The following ACSL3 variants were observed in gnomAD, a reference collection of about 807,000 sequenced individuals.
ACSL3 encodes fatty acid CoA ligase Acsl3.
Under a neutral mutation model 84.7 loss-of-function variants are expected in ACSL3, and 34 were observed. The ratio of observed to expected loss-of-function variants is 0.40; its 90% confidence interval spans 0.31 to 0.53. ACSL3 has a LOEUF of 0.53. Among genes scored for constraint, ACSL3 ranks in the 20% least tolerant of loss-of-function variants. ACSL3 has a pLI of 0.48. For synonymous variants in ACSL3, 315 were observed against 299.4 expected (o/e 1.05, Z -0.54); for missense variants, 680 against 873.1 (o/e 0.78, Z 2.79).
chr2:222,902,221 C>T (rs1696171345), intron 3 of ACSL3, among the ~76,000 whole-genome samples: 2 of 152,078 alleles, frequency 1.3e-5, no homozygotes, highest in South Asian at 4.2e-4. Flanking sequence ...TTCAACTTGT[C>T]AGTATTATTC....
At chr2:222,940,576 G>A (rs985567003) in intron 16 of ACSL3, among the ~76,000 whole-genome samples, 2 of 151,360 alleles carry the variant, frequency 1.3e-5, no homozygotes, top group African/African-American at 2.4e-5. Context: ...CAGTGGTCAC[G>A]TAAGATTATA....
chr2:222,907,798 A>G (rs1429160062), intron 3 of ACSL3, among the ~76,000 whole-genome samples: 1 of 151,518 alleles, frequency 6.6e-6, no homozygotes, highest in Non-Finnish European at 1.5e-5. Context: ...CCTGCCACAC[A>G]ATGGCTGTTC....
chr2:222,872,053 A>C (rs146486180), intron 1 of ACSL3, among the ~76,000 whole-genome samples: 1 of 152,300 alleles, frequency 6.6e-6, no homozygotes, highest in East Asian at 1.9e-4. Flanking sequence ...AATGCTCAAC[A>C]GGGAAAAGTT....
At chr2:222,919,009 A>G in intron 6 of ACSL3, 55 bp from the exon 7 acceptor site, 1 of 1,592,048 alleles carries the variant, frequency 6.3e-7, no homozygotes. Context: ...TAGTATTCTT[A>G]TTCGCTAAGC....
At chr2:222,939,304 C>A (rs1238283847) in intron 16 of ACSL3, among the ~76,000 whole-genome samples, 1 of 152,170 alleles carries the variant, frequency 6.6e-6, no homozygotes, top group Admixed American at 6.5e-5. Flanking sequence ...AGCCAGCCAT[C>A]TTAAGCCTTT....
chr2:222,878,180 G>A (rs2106090878), intron 1 of ACSL3, among the ~76,000 whole-genome samples: 1 of 152,262 alleles, frequency 6.6e-6, no homozygotes. Flanking sequence ...ATTAAATTGA[G>A]TTGAAAGATT....
chr2:222,872,798 G>T (rs1287163738), intron 1 of ACSL3, among the ~76,000 whole-genome samples: 1 of 151,976 alleles, frequency 6.6e-6, no homozygotes, highest in Non-Finnish European at 1.5e-5. Context: ...CGGTGTGGTG[G>T]TGGGGCAACT....
chr2:222,906,853 TCTGTCCTCC>T (rs1213221527), intron 3 of ACSL3, among the ~76,000 whole-genome samples: 2 of 152,206 alleles, frequency 1.3e-5, no homozygotes, highest in African/African-American at 4.8e-5. Context: ...GATTTTGTGT[TCTGTCCTCC>T]CTGGCCTCCC....
At chr2:222,884,542 T>G (rs1695674320) in intron 1 of ACSL3, among the ~76,000 whole-genome samples, 1 of 152,206 alleles carries the variant, frequency 6.6e-6, no homozygotes, top group South Asian at 2.1e-4. Flanking sequence ...CATTCCCTAT[T>G]ATCAGTCCAA....
At chr2:222,866,743 TG>T (rs1695152627) in intron 1 of ACSL3, among the ~76,000 whole-genome samples, 1 of 29,164 alleles carries the variant, frequency 3.4e-5, no homozygotes, top group African/African-American at 1.0e-4. Flanking sequence ...AAAACTGCCC[TG>T]CCCCCCCCGC....
At chr2:222,909,215 A>C in intron 4 of ACSL3, 65 bp downstream of exon 4, 1 of 1,497,126 alleles carries the variant, frequency 6.7e-7, no homozygotes, top group Non-Finnish European at 9.0e-7. Context: ...AATGAAGTAA[A>C]GGGCAAGCAC....
At chr2:222,878,673 C>T (rs527958785) in intron 1 of ACSL3, among the ~76,000 whole-genome samples, 1 of 152,320 alleles carries the variant, frequency 6.6e-6, no homozygotes, top group South Asian at 2.1e-4. Context: ...GTATTTCTAA[C>T]AATATAGTGA....
intron 2 of ACSL3, among the ~76,000 whole-genome samples, chr2:222,892,501 G>A (rs867513988): frequency 2.0e-5 from 3 of 152,122 alleles, no homozygotes; most frequent in Middle Eastern, 3.4e-3. Flanking sequence ...TTAATTCTGG[G>A]TAGGAAATAG....
chr2:222,901,501 G>GTTC (rs35256539), intron 3 of ACSL3, among the ~76,000 whole-genome samples: 138,562 of 152,136 alleles, frequency 0.91, 63,206 homozygotes, highest in East Asian at 0.98. Flanking sequence ...ATCCAAGTTT[G>GTTC]TTCTTTTTCA....
intron 4 of ACSL3, among the ~76,000 whole-genome samples, chr2:222,914,233 ACGTGTG>A (rs1395827234): frequency 2.1e-5 from 2 of 95,796 alleles, no homozygotes; most frequent in Admixed American, 1.1e-4. Flanking sequence ...GTGTGTGTGT[ACGTGTG>A]TGTGTGTGTG....
In ACSL3 at chr2:222,908,995, G is replaced by A; in HGVS notation, c.223G>A (p.Asp75Asn). ...TGCATACAGATCTGTTAATAGTTTGGATGGTTTGGCTTCAGTATTATACCC... is the reference window on the plus strand; with the variant it reads ...TGCATACAGATCTGTTAATAGTTTGAATGGTTTGGCTTCAGTATTATACCC... ...DSAYRSVNSL[D>N]GLASVLYPGC... Residue 75 changes from aspartate to asparagine, a missense_variant, in exon 4 of 17, where the codon GAT becomes AAT. Asp to Asn is a conservative substitution (Grantham distance 23). Transcript: ENST00000357430. The A allele has an allele frequency of 6.2e-7, 1 of 1,613,758 alleles. No individual in the cohort carries two copies. The highest frequency in any genetic ancestry group is 8.5e-7 in the Non-Finnish European group (1 of 1,179,910).
At chr2:222,927,907 AGTTAT>A (rs1451741693) in intron 12 of ACSL3, among the ~76,000 whole-genome samples, 4 of 151,836 alleles carry the variant, frequency 2.6e-5, no homozygotes, top group South Asian at 2.1e-4. Flanking sequence ...TCTGTTTTTC[AGTTAT>A]GTTCTCTGTT....
intron 1 of ACSL3, among the ~76,000 whole-genome samples, chr2:222,880,836 A>C (rs570755112): frequency 8.6e-5 from 13 of 151,528 alleles, no homozygotes; most frequent in African/African-American, 3.2e-4. Context: ...TCTCCCAAAA[A>C]AAAAAAAAAC....
chr2:222,930,131 T>C (rs950307535), intron 13 of ACSL3, among the ~76,000 whole-genome samples: 4 of 152,008 alleles, frequency 2.6e-5, no homozygotes, highest in East Asian at 3.9e-4. Context: ...GGTTTCACCA[T>C]GTTGGCCAGG....
Sources: gnomAD v4.1 joint callset for allele counts (sites outside exome capture counted in the v4.1 genomes callset) on GRCh38, gnomAD v4.1.1 for gene constraint, MANE v1.5 for transcripts, NCBI Gene and HGNC (gene_info 2026-07-23, HGNC 2026-07-21) for gene names.